FBXW11: variants seen among roughly 807,000 people sequenced by gnomAD.
FBXW11 encodes F-box/WD repeat-containing protein 11.
In FBXW11, 19 loss-of-function variants were observed where a neutral mutation model predicts 77.6. The ratio of observed to expected loss-of-function variants is 0.24; its 90% CI spans 0.17 to 0.36. FBXW11 has a LOEUF of 0.36. Among genes scored for constraint, FBXW11 ranks in the 10% least tolerant of loss-of-function variants. The pLI is 1.00. For synonymous variants in FBXW11, 235 were observed against 249.4 expected (o/e 0.94, Z 0.54); for missense variants, 334 against 704.2 (o/e 0.47, Z 5.95).
chr5:172,003,804 A>G, intron 1 of FBXW11, among the ~76,000 whole-genome samples: 1 of 152,218 alleles, frequency 6.6e-6, no homozygotes, highest in Non-Finnish European at 1.5e-5. Context: ...CAGAAGAATC[A>G]ATATTAAGGA....
intron 6 of FBXW11, among the ~76,000 whole-genome samples, chr5:171,896,477 G>A (rs1381256088): frequency 1.3e-5 from 2 of 152,112 alleles, no homozygotes; most frequent in East Asian, 1.9e-4. Context: ...AACAGTCAAG[G>A]ACACTGCGTA....
chr5:171,935,636 C>A (rs1762433523), intron 2 of FBXW11, among the ~76,000 whole-genome samples: 1 of 151,912 alleles, frequency 6.6e-6, no homozygotes, highest in Admixed American at 6.6e-5. Context: ...AGAGAAAGAG[C>A]ATTAATTGGA....
At chr5:171,868,860 G>C in intron 12 of FBXW11, 64 bp from the exon 13 acceptor site, 2 of 1,441,906 alleles carry the variant, frequency 1.4e-6, no homozygotes, top group Admixed American at 2.1e-5. Flanking sequence ...CTCACAATGA[G>C]AAACTGGGCA....
intron 1 of FBXW11, among the ~76,000 whole-genome samples, chr5:171,968,491 G>A (rs1006547417): frequency 1.3e-5 from 2 of 151,478 alleles, no homozygotes; most frequent in Admixed American, 1.3e-4. Context: ...TGCACTTTGA[G>A]GTAACAAAGA....
intron 1 of FBXW11, among the ~76,000 whole-genome samples, chr5:171,994,179 T>C (rs1342572610): frequency 6.6e-6 from 1 of 152,216 alleles, no homozygotes; most frequent in Non-Finnish European, 1.5e-5. Context: ...CACTGGATGA[T>C]ACTCTAATCT....
chr5:171,874,999 A>T (rs1269325738), intron 9 of FBXW11, among the ~76,000 whole-genome samples: 1 of 152,204 alleles, frequency 6.6e-6, no homozygotes, highest in Non-Finnish European at 1.5e-5. Context: ...AATTAAAAAC[A>T]TGAAAACTTC....
chr5:171,956,562 A>G (rs1036213389), intron 2 of FBXW11, among the ~76,000 whole-genome samples: 4 of 152,214 alleles, frequency 2.6e-5, no homozygotes, highest in African/African-American at 9.7e-5. Flanking sequence ...GCCTGACTCC[A>G]ATATGAAGAA....
intron 2 of FBXW11, among the ~76,000 whole-genome samples, chr5:171,945,544 T>C (rs1445726188): frequency 2.6e-5 from 4 of 152,146 alleles, no homozygotes; most frequent in African/African-American, 9.7e-5. Flanking sequence ...AAAGATAATA[T>C]ATGGGAAAGA....
chr5:171,935,474 G>T (rs957305350), intron 2 of FBXW11, among the ~76,000 whole-genome samples: 6 of 152,144 alleles, frequency 3.9e-5, no homozygotes, highest in African/African-American at 1.2e-4. Context: ...TGAACTACAT[G>T]TTGAAAGGGG....
chr5:171,923,222 A>T (rs1761697328), intron 2 of FBXW11, among the ~76,000 whole-genome samples: 1 of 152,146 alleles, frequency 6.6e-6, no homozygotes, highest in South Asian at 2.1e-4. Context: ...CTGGATAACA[A>T]AGCTTTTAAT....
intron 6 of FBXW11, among the ~76,000 whole-genome samples, chr5:171,896,408 A>G (rs973207436): frequency 2.0e-5 from 3 of 152,198 alleles, no homozygotes; most frequent in African/African-American, 7.2e-5. Flanking sequence ...CTACTTTCCC[A>G]TAACTGGACT....
intron 7 of FBXW11, among the ~76,000 whole-genome samples, chr5:171,882,520 G>A (rs62381943): frequency 1.3e-5 from 2 of 151,948 alleles, no homozygotes; most frequent in African/African-American, 2.4e-5. Context: ...TCCCAGGCTT[G>A]TCTCAAACTT....
chr5:171,886,680 C>G (rs1758913907), intron 7 of FBXW11, among the ~76,000 whole-genome samples: 1 of 152,132 alleles, frequency 6.6e-6, no homozygotes, highest in Admixed American at 6.5e-5. Context: ...CTAGAGTATA[C>G]TGGTAGCCAC....
chr5:171,925,634 C>A (rs919083426), intron 2 of FBXW11, among the ~76,000 whole-genome samples: 2 of 152,186 alleles, frequency 1.3e-5, no homozygotes, highest in Non-Finnish European at 2.9e-5. Flanking sequence ...GTGCATGCCA[C>A]CGTGCCTGGC....
chr5:171,923,627 T>C (rs1317620409), intron 2 of FBXW11, among the ~76,000 whole-genome samples: 1 of 152,218 alleles, frequency 6.6e-6, no homozygotes, highest in African/African-American at 2.4e-5. Flanking sequence ...TGCAATCCAT[T>C]ATAGTTTAAA....
intron 1 of FBXW11, among the ~76,000 whole-genome samples, chr5:172,002,668 A>G (rs1766480457): frequency 7.4e-6 from 1 of 134,536 alleles, no homozygotes. Context: ...CAGTAACTTC[A>G]TTTATTCGTT....
chr5:171,989,925 C>T (rs748655712), intron 1 of FBXW11, among the ~76,000 whole-genome samples: 1 of 152,046 alleles, frequency 6.6e-6, no homozygotes, highest in African/African-American at 2.4e-5. Flanking sequence ...GTTGTATACA[C>T]GGAGATATGG....
At chr5:171,944,128 T>A (rs1762880623) in intron 2 of FBXW11, among the ~76,000 whole-genome samples, 1 of 152,136 alleles carries the variant, frequency 6.6e-6, no homozygotes, top group Non-Finnish European at 1.5e-5. Context: ...TAAGACAATG[T>A]CAAATTATGC....
chr5:171,883,341 T>C (rs1758653009), intron 7 of FBXW11, among the ~76,000 whole-genome samples: 1 of 152,194 alleles, frequency 6.6e-6, no homozygotes. Context: ...GTTCTACTTT[T>C]AGTTCTTTAA....
Sources: gnomAD v4.1 joint callset for allele counts (sites outside exome capture counted in the v4.1 genomes callset) on GRCh38, gnomAD v4.1.1 for gene constraint, MANE v1.5 for transcripts, NCBI Gene and HGNC (gene_info 2026-07-23, HGNC 2026-07-21) for gene names.